Variants in PGM5 observed in about 807,000 individuals in gnomAD.
PGM5 encodes the protein phosphoglucomutase 5.
PGM5 carries 23 observed loss-of-function variants against 59.2 expected under a neutral mutation model. The observed-to-expected ratio is 0.39, with a 90% CI of 0.28 to 0.55. PGM5 has a LOEUF of 0.55. Among genes scored for constraint, PGM5 ranks in the 20% least tolerant of loss-of-function variants. The pLI is 0.66. For missense variants in PGM5, 574 were observed against 748.3 expected (o/e 0.77, Z 2.72); for synonymous variants, 214 against 286.0 (o/e 0.75, Z 2.54).
At chr9:68,450,381 G>T (rs1176798699) in intron 6 of PGM5, among the ~76,000 whole-genome samples, 2 of 152,102 alleles carry the variant, frequency 1.3e-5, no homozygotes, top group Non-Finnish European at 2.9e-5. Context: ...TTTTTAATTA[G>T]CACCCCAGGT....
At chr9:68,404,647 C>T (rs1554680948) in intron 6 of PGM5, among the ~76,000 whole-genome samples, 1 of 152,184 alleles carries the variant, frequency 6.6e-6, no homozygotes, top group Non-Finnish European at 1.5e-5. Flanking sequence ...CATCTCTGAT[C>T]AGGTTGCTGC....
chr9:68,438,821 A>G (rs1823481313), intron 6 of PGM5, among the ~76,000 whole-genome samples: 1 of 152,104 alleles, frequency 6.6e-6, no homozygotes, highest in Non-Finnish European at 1.5e-5. Context: ...AGTCAGAGAG[A>G]GTCTCTGTGT....
rs142749940 is a variant in PGM5, at chr9:68,511,346, G to A, written c.1614+11985G>A. 4.5e-3 allele frequency among the ~76,000 whole-genome samples: 690 copies of A among 152,148 alleles called. 1 individual carries two copies. The highest frequency in any genetic ancestry group is 7.4e-3 in the Non-Finnish European group (501 of 68,002). Reference sequence around the variant, plus strand: ...TCAACAGCTAAGCTCCAGAGAGGAGGATATATTGAGGCATATGCTACGCCC... The same window carrying A: ...TCAACAGCTAAGCTCCAGAGAGGAGAATATATTGAGGCATATGCTACGCCC... On this transcript the variant is annotated intron_variant, in intron 10 of 10. Coordinates refer to ENST00000396396, the MANE Select transcript of PGM5 (RefSeq NM_021965.4).
At chr9:68,428,500 T>G (rs1314545829) in intron 6 of PGM5, 2 of 152,240 alleles carry the variant, frequency 1.3e-5, no homozygotes, top group South Asian at 2.1e-4. Flanking sequence ...TGTCTGTTTT[T>G]TCTTTGCCTC....
At chr9:68,463,144 G>A (rs35011246) in intron 6 of PGM5, among the ~76,000 whole-genome samples, 9,024 of 151,782 alleles carry the variant, frequency 0.059, 606 homozygotes, top group East Asian at 0.35. Context: ...TTTGTGAAAA[G>A]GGAGGTGTTC....
At chr9:68,471,632 A>G (rs550079842) in intron 7 of PGM5, among the ~76,000 whole-genome samples, 420 of 151,766 alleles carry the variant, frequency 2.8e-3, no homozygotes, top group African/African-American at 7.8e-3. Flanking sequence ...AAAAAAAAAA[A>G]AGAGAGACTC....
chr9:68,506,176 A>G (rs1824651724), intron 10 of PGM5, among the ~76,000 whole-genome samples: 1 of 152,216 alleles, frequency 6.6e-6, no homozygotes, highest in South Asian at 2.1e-4. Flanking sequence ...ACCTAACTGG[A>G]TGTGTAAACA....
In PGM5 at chr9:68,464,761, T is replaced by C. The variant is rs76154109; in HGVS notation, c.1044-332T>C. Among the ~76,000 whole-genome samples the C allele has an allele frequency of 9.6e-4, 146 of 152,304 alleles. 1 individual carries two copies. Among genetic ancestry groups the C allele is most frequent in the African/African-American group, 3.3e-3 (138 of 41,574 alleles). On this transcript the variant is annotated intron_variant, in intron 6 of 10. Transcript: ENST00000396396. ...ATATTCCCAAGTGTTTATGCCCAAA[T>C]ACCCTCTTAATTTAGATTCTGATAT...
chr9:68,427,697 A>G (rs1190155784), intron 6 of PGM5, among the ~76,000 whole-genome samples: 1 of 152,196 alleles, frequency 6.6e-6, no homozygotes, highest in Non-Finnish European at 1.5e-5. Flanking sequence ...CTGCAAGGGG[A>G]TGTAGAAAGT....
chr9:68,414,567 A>T (rs1287175560), intron 6 of PGM5, among the ~76,000 whole-genome samples: 7 of 151,682 alleles, frequency 4.6e-5, no homozygotes, highest in Non-Finnish European at 1.0e-4. Flanking sequence ...GCTGGTGACC[A>T]CACTGCTCTG....
Position 68,465,180 on chromosome 9 carries a change from T to A in PGM5, c.1131T>A (p.Asn377Lys). ...FSNLMDSGRC[N>K]LCGEESFGTG... ...ATCTGATGGACTCAGGACGTTGCAATCTGTGTGGGGAAGAGAGCTTTGGCA... is the reference window on the plus strand; with the variant it reads ...ATCTGATGGACTCAGGACGTTGCAAACTGTGTGGGGAAGAGAGCTTTGGCA... The change falls in exon 7 of 11, where the codon AAT (asparagine) becomes AAA (lysine). Residue 377 changes from asparagine (N) to lysine (K), a missense_variant. Asn to Lys is a moderately conservative substitution (Grantham distance 94). This residue lies in a region of PGM5 where 300 missense variants were observed against 280.0 expected (regional missense o/e 1.07). Coordinates refer to ENST00000396396, the MANE Select transcript of PGM5 (RefSeq NM_021965.4). 6.2e-7 allele frequency: 1 copy of A among 1,612,998 alleles called. No homozygotes were observed. Among genetic ancestry groups the A allele is most frequent in the Non-Finnish European group, 8.5e-7 (1 of 1,179,056 alleles).
chr9:68,500,557 A>C (rs1824555968), intron 10 of PGM5, among the ~76,000 whole-genome samples: 1 of 152,150 alleles, frequency 6.6e-6, no homozygotes, highest in African/African-American at 2.4e-5. Context: ...TAGCCTTTCC[A>C]TGCAGGGGAT....
intron 10 of PGM5, among the ~76,000 whole-genome samples, chr9:68,511,556 T>TTTC (rs1824750899): frequency 8.4e-6 from 1 of 118,562 alleles, no homozygotes; most frequent in East Asian, 2.6e-4. Flanking sequence ...TTTTTTTTTT[T>TTTC]TTTTTTTTTT....
intron 1 of PGM5, among the ~76,000 whole-genome samples, chr9:68,364,272 T>C (rs4126728): frequency 0.25 from 38,077 of 151,790 alleles, 5,758 homozygotes; most frequent in Admixed American, 0.34. Flanking sequence ...TTGATTCCAG[T>C]TGGCCATGAA....
At chr9:68,382,553 C>G (rs1414022265) in intron 2 of PGM5, among the ~76,000 whole-genome samples, 3 of 151,624 alleles carry the variant, frequency 2.0e-5, no homozygotes, top group African/African-American at 7.3e-5. Flanking sequence ...TTCCATTTTT[C>G]ATTTATTTAT....
At chr9:68,407,617 C>A (rs1319513232) in intron 6 of PGM5, among the ~76,000 whole-genome samples, 3 of 152,172 alleles carry the variant, frequency 2.0e-5, no homozygotes, top group Non-Finnish European at 2.9e-5. Flanking sequence ...TCTCTGTATG[C>A]TGGCCAAAAG....
At chr9:68,434,475 G>T (rs1346328604) in intron 6 of PGM5, among the ~76,000 whole-genome samples, 2 of 152,034 alleles carry the variant, frequency 1.3e-5, no homozygotes, top group African/African-American at 4.8e-5. Context: ...AAATTATTTT[G>T]TTTGCTAGTT....
At chr9:68,415,793 A>ATCTGTCTG (rs1554681928) in intron 6 of PGM5, among the ~76,000 whole-genome samples, 11 of 86,340 alleles carry the variant, frequency 1.3e-4, no homozygotes, top group Admixed American at 8.3e-4. Context: ...CTATCTATCT[A>ATCTGTCTG]TCTATCTATC....
intron 6 of PGM5, chr9:68,402,346 TTA>T (rs1822695773): frequency 6.6e-6 from 1 of 152,166 alleles, no homozygotes; most frequent in Non-Finnish European, 1.5e-5. Flanking sequence ...CAAACTCTAT[TTA>T]TTTAAAAATA....
Sources: gnomAD v4.1 joint callset for allele counts (sites outside exome capture counted in the v4.1 genomes callset) on GRCh38, gnomAD v4.1.1 for gene constraint, gnomAD v4.1.1 regional missense constraint, MANE v1.5 for transcripts, NCBI Gene and HGNC (gene_info 2026-07-23, HGNC 2026-07-21) for gene names.